EHBP1L1: variants seen among roughly 807,000 people sequenced by gnomAD.
EHBP1L1 encodes EH domain-binding protein 1-like protein 1.
EHBP1L1 carries 122 observed loss-of-function variants against 151.1 expected under a neutral mutation model. The ratio of observed to expected loss-of-function variants is 0.81; its 90% confidence interval spans 0.70 to 0.94. EHBP1L1 has a LOEUF of 0.94. EHBP1L1 is among the 40% of genes least tolerant of loss of function. EHBP1L1 has a pLI of 0.00. For missense variants in EHBP1L1, 1,941 were observed against 1,959.8 expected (o/e 0.99, Z 0.18); for synonymous variants, 878 against 810.1 (o/e 1.08, Z -1.42).
At position 65,582,125 on chromosome 11, in the gene EHBP1L1, C is replaced by T. The variant is rs775633565; in HGVS notation, c.1453C>T (p.Pro485Ser). ...AGGCCTGAGCCTGCCCCCAGCGGAG[C>T]CTGCAGGGCACTCTGGGCAACTTGG... ...PSGLSLPPAE[P>S]AGHSGQLGDL... Residue 485 changes from proline (P) to serine (S), a missense_variant, in exon 9 of 19, where the codon CCT becomes TCT. Transcript: ENST00000309295. 8 of 1,594,252 alleles carry T rather than the reference C, an allele frequency of 5.0e-6. No homozygotes were observed. The highest frequency in any genetic ancestry group is 6.0e-6 in the Non-Finnish European group (7 of 1,170,494).
At position 65,580,270 on chromosome 11, in the gene EHBP1L1, A is replaced by G. The variant is rs1857533928; in HGVS notation, c.491+11A>G. ...GGAGGGCCGTGCCACGTGAGTGCCT[A>G]CCTGCCCTCCTTGATCCTGGCCTGT... is the stretch of plus-strand genomic sequence containing the variant. On this transcript the variant is annotated intron_variant, in intron 5 of 18. Transcript: ENST00000309295. 3 of 1,613,216 alleles carry G rather than the reference A, an allele frequency of 1.9e-6. No individual in the cohort carries two copies. Among genetic ancestry groups the G allele is most frequent in the African/African-American group, 1.3e-5 (1 of 75,026 alleles).
chr11:65,584,779 G>C, intron 11 of EHBP1L1, 180 bp from the exon 12 acceptor site: 1 of 1,003,730 alleles, frequency 1.0e-6, no homozygotes, highest in Non-Finnish European at 1.4e-6. Flanking sequence ...ACGGTGTGCC[G>C]TTGCTAAGCA....
At position 65,585,336 on chromosome 11, in the gene EHBP1L1, C is replaced by T; in HGVS notation, c.3678C>T (p.Pro1226=). 1 of 1,112,168 alleles carries T rather than the reference C, an allele frequency of 9.0e-7. No homozygotes were observed. The highest frequency in any genetic ancestry group is 1.7e-5 in the African/African-American group (1 of 58,738). The allele number at this position is 1,112,168 out of a possible 1,614,324, so 68.9% of individuals were successfully genotyped here. A position where few individuals can be genotyped will look rare whatever the true frequency, so the allele number is the denominator to read the frequency against. The change falls in exon 12 of 19, where the codon CCC becomes CCT. Residue 1226 remains proline (P), a synonymous_variant. Coordinates refer to ENST00000309295, the MANE Select transcript of EHBP1L1 (RefSeq NM_001099409.3). This position sits in a 1 kb window ranked among gnomAD's most constrained non-coding sequence, Gnocchi z 4.0. ...RASKDGGAEA[P]RESRPAEVPA... ...CCAAGGACGGCGGGGCCGAGGCCCC[C>T]CGAGAGTCGCGACCCGCGGAGGTCC...
In EHBP1L1 at chr11:65,583,344, C is replaced by T; in HGVS notation, c.2672C>T (p.Thr891Ile). 1.2e-6 allele frequency: 2 copies of T among 1,613,466 alleles called. No homozygotes were observed. The highest frequency in any genetic ancestry group is 1.7e-6 in the Non-Finnish European group (2 of 1,179,732). ...ACTTCGGGGGTCCAGGAAGCAGAGA[C>T]TAGAGTTGGGAGTGCTCTCAAATAT... Reference protein sequence around the residue: ...AQTSGVQEAETRVGSALKYEA... With the variant: ...AQTSGVQEAEIRVGSALKYEA... The change falls in exon 9 of 19, where the codon ACT becomes ATT. Residue 891 changes from threonine (T) to isoleucine (I), a missense_variant. Transcript: ENST00000309295.
intron 8 of EHBP1L1, 81 bp from the exon 9 acceptor site, chr11:65,581,458 C>CA: frequency 8.4e-6 from 12 of 1,427,300 alleles, no homozygotes; most frequent in Non-Finnish European, 1.0e-5. Flanking sequence ...TCCAGGGCCC[C>CA]AACAGTCTGA....
Position 65,581,622 on chromosome 11 carries a change from T to C in EHBP1L1, c.950T>C (p.Val317Ala). Reference protein sequence around the residue: ...RKGSDALRPPVPQGEDEVPKA... With the variant: ...RKGSDALRPPAPQGEDEVPKA... ...GGCTCTGATGCCCTCCGGCCCCCAGTCCCCCAGGGGGAAGATGAGGTCCCC... is the reference window on the plus strand; with the variant it reads ...GGCTCTGATGCCCTCCGGCCCCCAGCCCCCCAGGGGGAAGATGAGGTCCCC... The change falls in exon 9 of 19, where the codon GTC becomes GCC. Residue 317 changes from valine to alanine, a missense_variant. Transcript: ENST00000309295. The C allele has an allele frequency of 1.3e-6, 2 of 1,541,490 alleles. No individual in the cohort carries two copies. The highest frequency in any genetic ancestry group is 8.8e-7 in the Non-Finnish European group (1 of 1,142,760).
At position 65,579,086 on chromosome 11, in the gene EHBP1L1, A is replaced by G. The variant is rs534061165; in HGVS notation, c.113A>G (p.Asp38Gly). 12 of 1,589,152 alleles carry G rather than the reference A, an allele frequency of 7.6e-6. No individual in the cohort carries two copies. The Admixed American group carries it at 8.8e-5, about 12-fold the overall frequency. Residue 38 changes from aspartate to glycine, a missense_variant, in exon 2 of 19, where the codon GAT (aspartate) becomes GGT (glycine). Transcript: ENST00000309295. Reference protein sequence around the residue: ...VLECTKKWQPDKLVVVWTRRN... With the variant: ...VLECTKKWQPGKLVVVWTRRN... ...CCTTCCCCCTCCCCCAGGCAGCCAG[A>G]TAAGCTGGTGGTGGTATGGACCCGT...
At position 65,585,659 on chromosome 11, in the gene EHBP1L1, G is replaced by C; in HGVS notation, c.3933+68G>C. On this transcript the variant is annotated intron_variant, in intron 12 of 18. Transcript: ENST00000309295. This position sits in a 1 kb window ranked among gnomAD's most constrained non-coding sequence, Gnocchi z 4.0. ...GGTCCCGGGAAGATGGGCAGAGAAC[G>C]GGCGAGCCCCCAAGGGGCCCCAAGG... 1 of 1,517,952 alleles carries C rather than the reference G, an allele frequency of 6.6e-7. No individual in the cohort carries two copies. The highest frequency in any genetic ancestry group is 8.8e-7 in the Non-Finnish European group (1 of 1,136,424). The allele number at this position is 1,517,952 out of a possible 1,614,324, so 94.0% of individuals were successfully genotyped here.
In EHBP1L1 at chr11:65,584,280, G is replaced by C. The variant is rs1247603493; in HGVS notation, c.3133G>C (p.Glu1045Gln). 1 of 1,611,868 alleles carries C rather than the reference G, an allele frequency of 6.2e-7. No homozygotes were observed. The highest frequency in any genetic ancestry group is 1.7e-5 in the Admixed American group (1 of 59,490). ...ALVSSSQSLL[E>Q]WCQEVTTGYR... ...GGTCAGCTCCAGCCAGTCCCTGCTG[G>C]AGTGGTGCCAGGAAGTCACCACTGG... The change falls in exon 10 of 19, where the codon GAG (glutamate) becomes CAG (glutamine). Residue 1045 changes from glutamate (E) to glutamine (Q), a missense_variant. Physicochemically the swap from Glu to Gln is conservative, Grantham distance 29. Transcript: ENST00000309295.
chr11:65,584,020 C>T (rs1045621593), intron 9 of EHBP1L1: 2 of 1,410,168 alleles, frequency 1.4e-6, no homozygotes, highest in African/African-American at 1.4e-5. Flanking sequence ...TGCTGGTGAC[C>T]TCTGATCTTG....
chr11:65,583,254 C>T lies in EHBP1L1; in HGVS notation c.2582C>T (p.Ala861Val). 6.2e-7 allele frequency: 1 copy of T among 1,613,356 alleles called. No homozygotes were observed. The highest frequency in any genetic ancestry group is 1.1e-5 in the South Asian group (1 of 91,080). ...GGGCCCGAGGCTGGAATGGCAGAGG[C>T]CCGAGTACTGATGACCCGTAAGACA... ...ISGPEAGMAEARVLMTRKTEI... is the reference protein window; with the variant it reads ...ISGPEAGMAEVRVLMTRKTEI... Residue 861 changes from alanine to valine, a missense_variant, in exon 9 of 19, where the codon GCC becomes GTC. Transcript: ENST00000309295.
chr11:65,579,429 T>C lies in EHBP1L1; in HGVS notation c.251T>C (p.Leu84Pro). 6.5e-7 allele frequency: 1 copy of C among 1,534,758 alleles called. No homozygotes were observed. Among genetic ancestry groups the C allele is most frequent in the Admixed American group, 2.1e-5 (1 of 48,508 alleles). The stretch of plus-strand genomic sequence containing the variant: ...GAGAATGTGGACATCTCTGTGACCC[T>C]CTACAGGGTGAGTCTCTAGCCCTCC... ...VPENVDISVTLYRDPHVDQYE... is the reference protein window; with the variant it reads ...VPENVDISVTPYRDPHVDQYE... Residue 84 changes from leucine (L) to proline (P), a missense_variant, in exon 3 of 19, where the codon CTC (leucine) becomes CCC (proline). Coordinates refer to ENST00000309295, the MANE Select transcript of EHBP1L1 (RefSeq NM_001099409.3).
Position 65,579,948 on chromosome 11 carries a change from G to A in EHBP1L1, c.271G>A (p.Asp91Asn), listed in dbSNP as rs2135241318. The change falls in exon 4 of 19, where the codon GAC (aspartate) becomes AAC (asparagine). Residue 91 changes from aspartate to asparagine, a missense_variant. Transcript: ENST00000309295. ...CCCTTCTTCCCAGGACCCCCACGTGGACCAGTATGAGGCCAAAGAGTGGAC... is the reference window on the plus strand; with the variant it reads ...CCCTTCTTCCCAGGACCCCCACGTGAACCAGTATGAGGCCAAAGAGTGGAC... ...SVTLYRDPHV[D>N]QYEAKEWTFI... is the part of the protein sequence containing the mutation. 1 of 1,613,816 alleles carries A rather than the reference G, an allele frequency of 6.2e-7. No individual in the cohort carries two copies. Among genetic ancestry groups the A allele is most frequent in the Non-Finnish European group, 8.5e-7 (1 of 1,179,846 alleles).
At chr11:65,586,697 G>A (rs1382983678) in intron 12 of EHBP1L1, among the ~76,000 whole-genome samples, 1 of 152,246 alleles carries the variant, frequency 6.6e-6, no homozygotes. Flanking sequence ...AGAGGCACAA[G>A]CATTGAGCCT....
intron 1 of EHBP1L1, 149 bp from the exon 2 acceptor site, chr11:65,578,929 G>A (rs919282628): frequency 1.3e-6 from 1 of 763,818 alleles, no homozygotes; most frequent in African/African-American, 1.7e-5. Flanking sequence ...CCCAGATAAG[G>A]GGCTGCCCAG....
chr11:65,581,007 G>A, intron 6 of EHBP1L1, 51 bp from the exon 7 acceptor site: 2 of 1,551,284 alleles, frequency 1.3e-6, no homozygotes, highest in Non-Finnish European at 1.7e-6. Context: ...AGGCCTGTGG[G>A]GCCCTGCCCT....
chr11:65,579,898 C>T lies in EHBP1L1; in HGVS notation c.259-38C>T, dbSNP rs376601821. 15 of 1,607,902 alleles carry T rather than the reference C, an allele frequency of 9.3e-6. No individual in the cohort carries two copies. The African/African-American group carries it at 1.5e-4, about 16-fold the overall frequency. ...CAAGCTCTGCTCCCTTTGCTGCTGC[C>T]CCAACAGTCCTGTACTCACCAGCAC... On this transcript the variant is annotated intron_variant, in intron 3 of 18. Coordinates refer to ENST00000309295, the MANE Select transcript of EHBP1L1 (RefSeq NM_001099409.3).
intron 12 of EHBP1L1, among the ~76,000 whole-genome samples, chr11:65,587,209 A>C (rs1205392): frequency 6.6e-6 from 1 of 152,136 alleles, no homozygotes; most frequent in Non-Finnish European, 1.5e-5. Context: ...CCCGTCTCTA[A>C]TAAAATACAA....
At position 65,585,600 on chromosome 11, in the gene EHBP1L1, C is replaced by T; in HGVS notation, c.3933+9C>T. ...TGGGAGCTGCGGCTGCAGTGAGTGT[C>T]AAGGTCCTTCTTTCTTCCCCCGCCG... On this transcript the variant is annotated intron_variant, in intron 12 of 18. Coordinates refer to ENST00000309295, the MANE Select transcript of EHBP1L1 (RefSeq NM_001099409.3). This position sits in a 1 kb window ranked among gnomAD's most constrained non-coding sequence, Gnocchi z 4.0. 1 of 1,566,120 alleles carries T rather than the reference C, an allele frequency of 6.4e-7. No individual in the cohort carries two copies. Among genetic ancestry groups the T allele is most frequent in the Non-Finnish European group, 8.6e-7 (1 of 1,163,450 alleles).
Sources: gnomAD v4.1 joint callset for allele counts (sites outside exome capture counted in the v4.1 genomes callset) on GRCh38, gnomAD v4.1.1 for gene constraint, Gnocchi (gnomAD v3.1) non-coding constraint, MANE v1.5 for transcripts, NCBI Gene and HGNC (gene_info 2026-07-23, HGNC 2026-07-21) for gene names.